The following PCDHGA9 variants were observed in gnomAD, a reference collection of about 807,000 sequenced individuals.
The protein encoded by PCDHGA9 is protocadherin gamma-A9.
PCDHGA9 carries 37 observed loss-of-function variants against 62.5 expected under a neutral mutation model. That is an observed-to-expected ratio of 0.59 (90% CI 0.46 to 0.78). The LOEUF is 0.78. Among genes scored for constraint, PCDHGA9 ranks in the 30% least tolerant of loss-of-function variants. PCDHGA9 has a pLI of 0.00. For missense variants in PCDHGA9, 1,138 were observed against 1,166.2 expected (o/e 0.98, Z 0.35); for synonymous variants, 459 against 484.6 (o/e 0.95, Z 0.69).
intron 1 of PCDHGA9, chr5:141,408,855 G>A: frequency 6.2e-7 from 1 of 1,613,572 alleles, no homozygotes; most frequent in Non-Finnish European, 8.5e-7. Flanking sequence ...TTGGACGGAG[G>A]GGACCCACCA....
intron 1 of PCDHGA9, among the ~76,000 whole-genome samples, chr5:141,484,322 T>C (rs2099594801): frequency 6.6e-6 from 1 of 152,214 alleles, no homozygotes; most frequent in Non-Finnish European, 1.5e-5. Flanking sequence ...TTCCATACTG[T>C]CCTTGAAATC....
chr5:141,506,506 C>T (rs1279198463), intron 3 of PCDHGA9, among the ~76,000 whole-genome samples: 2 of 151,030 alleles, frequency 1.3e-5, no homozygotes. Context: ...GATTCAAATC[C>T]TGGCACCTGG....
rs866878519 is a variant in PCDHGA9, at chr5:141,486,035, C to A, written c.2425-8772C>A. ...TTATTTCAGTGGTCATACCCCTGAT[C>A]GTGTAAGAAACCTCTTTAGCCTGCA... is the stretch of plus-strand genomic sequence containing the variant. On this transcript the variant is annotated intron_variant, in intron 1 of 3. Coordinates refer to ENST00000573521, the MANE Select transcript of PCDHGA9 (RefSeq NM_018921.3). This position sits in a 1 kb window ranked among gnomAD's most constrained non-coding sequence, Gnocchi z 5.0. The A allele has an allele frequency of 1.9e-6, 3 of 1,614,100 alleles. No homozygotes were observed. The East Asian group carries it at 6.7e-5, about 36-fold the overall frequency.
chr5:141,419,018 AG>A (rs2096314197), intron 1 of PCDHGA9: 1 of 1,613,838 alleles, frequency 6.2e-7, no homozygotes, highest in African/African-American at 1.3e-5. Context: ...GTGTAGCTTA[AG>A]TAGAGGTGTT....
chr5:141,502,955 T>C (rs2099817293), intron 2 of PCDHGA9, among the ~76,000 whole-genome samples: 1 of 149,868 alleles, frequency 6.7e-6, no homozygotes, highest in Non-Finnish European at 1.5e-5. Context: ...GCGATTCTCC[T>C]GCCTCAGCCT....
At chr5:141,478,765 C>T in intron 1 of PCDHGA9, 1 of 1,508,614 alleles carries the variant, frequency 6.6e-7, no homozygotes, top group Non-Finnish European at 8.9e-7. Context: ...AGATACTTGA[C>T]TCATCTGTGG....
At chr5:141,434,035 T>C (rs2154556047) in intron 1 of PCDHGA9, among the ~76,000 whole-genome samples, 1 of 152,316 alleles carries the variant, frequency 6.6e-6, no homozygotes, top group Non-Finnish European at 1.5e-5. Flanking sequence ...AAGCATGGTT[T>C]TCTATTTTAT....
In PCDHGA9 at chr5:141,432,469, C is replaced by A; in HGVS notation, c.2424+27093C>A. On this transcript the variant is annotated intron_variant, in intron 1 of 3. Coordinates refer to ENST00000573521, the MANE Select transcript of PCDHGA9 (RefSeq NM_018921.3). The surrounding 1 kb of genome is among the most constrained non-coding windows in gnomAD (Gnocchi z 6.0). ...TCCTGTACCCCGCCCTCCCCACGGA[C>A]GGTTCCACTGGCGTGGAGCTGGCTC... 6.2e-7 allele frequency: 1 copy of A among 1,614,218 alleles called. No individual in the cohort carries two copies.
intron 1 of PCDHGA9, chr5:141,415,949 C>T (rs369226000): frequency 6.5e-4 from 320 of 496,036 alleles, no homozygotes; most frequent in African/African-American, 5.9e-3. Context: ...TGGGTGGTCA[C>T]ATATTGAAAC....
Position 141,410,050 on chromosome 5 carries a change from C to T in PCDHGA9, c.2424+4674C>T, listed in dbSNP as rs762077790. ...TGCTGCAGGCCAGTGAGCCCGGACT[C>T]TTCAGCCTGGGGCTGCGCACTGGGG... On this transcript the variant is annotated intron_variant, in intron 1 of 3. Coordinates refer to ENST00000573521, the MANE Select transcript of PCDHGA9 (RefSeq NM_018921.3). The T allele has an allele frequency of 6.2e-6, 10 of 1,613,180 alleles. No homozygotes were observed. In the East Asian group the frequency reaches 1.6e-4, roughly 25 times the overall value.
intron 2 of PCDHGA9, among the ~76,000 whole-genome samples, chr5:141,500,788 A>T (rs1379810633): frequency 2.6e-5 from 4 of 152,198 alleles, no homozygotes; most frequent in Admixed American, 6.5e-5. Context: ...ATATTATTTT[A>T]CAGAATAAGT....
chr5:141,408,184 G>A, intron 1 of PCDHGA9: 1 of 1,541,100 alleles, frequency 6.5e-7, no homozygotes, highest in Non-Finnish European at 8.8e-7. Flanking sequence ...CGGGGACCCA[G>A]CGAGAACCCG....
In PCDHGA9 at chr5:141,489,750, C is replaced by T. The variant is rs753217170; in HGVS notation, c.2425-5057C>T. On this transcript the variant is annotated intron_variant, in intron 1 of 3. Coordinates refer to ENST00000573521, the MANE Select transcript of PCDHGA9 (RefSeq NM_018921.3). The surrounding 1 kb of genome is among the most constrained non-coding windows in gnomAD (Gnocchi z 4.5). ...TGGGCACCAATACTGTGAGCTTTTA[C>T]ACTCTAAGCCCCAACAGCCACTTCT... 1.2e-6 allele frequency: 2 copies of T among 1,614,098 alleles called. No homozygotes were observed. Among genetic ancestry groups the T allele is most frequent in the Admixed American group, 3.3e-5 (2 of 60,022 alleles).
Position 141,505,566 on chromosome 5 carries a change from A to G in PCDHGA9, c.2572+85A>G, listed in dbSNP as rs1363426407. 1.4e-5 allele frequency: 22 copies of G among 1,599,886 alleles called. No individual in the cohort carries two copies. In the East Asian group the frequency reaches 4.7e-4, roughly 34 times the overall value. ...CACAGCCACCATGCCCACGGACTGGATGTCAAACCTGTGTAGTTTCTCCAG... is the reference window on the plus strand; with the variant it reads ...CACAGCCACCATGCCCACGGACTGGGTGTCAAACCTGTGTAGTTTCTCCAG... On this transcript the variant is annotated intron_variant, in intron 3 of 3. Coordinates refer to ENST00000573521, the MANE Select transcript of PCDHGA9 (RefSeq NM_018921.3).
At chr5:141,446,365 G>T (rs2098499873) in intron 1 of PCDHGA9, among the ~76,000 whole-genome samples, 1 of 152,194 alleles carries the variant, frequency 6.6e-6, no homozygotes, top group Non-Finnish European at 1.5e-5. Flanking sequence ...GATGAGAATG[G>T]AAGACTAAAG....
Position 141,489,090 on chromosome 5 carries a change from C to CAAA in PCDHGA9, c.2425-5717_2425-5716insAAA. ...CCTGCCCACCCCCGCCACTCGGTGA[C>CAAA]TAAGAACTGCTGCAAGCAGGCAAAC... is the stretch of plus-strand genomic sequence containing the variant. On this transcript the variant is annotated intron_variant, in intron 1 of 3. Transcript: ENST00000573521. The surrounding 1 kb of genome is among the most constrained non-coding windows in gnomAD (Gnocchi z 4.5). 7 of 328,768 alleles carry CAAA rather than the reference C, an allele frequency of 2.1e-5. No homozygotes were observed. The highest frequency in any genetic ancestry group is 6.1e-5 in the Admixed American group (1 of 16,494). The allele number at this position is 328,768 out of a possible 1,614,324, so 20.4% of individuals were successfully genotyped here. A position where few individuals can be genotyped will look rare whatever the true frequency, so the allele number is the denominator to read the frequency against.
intron 2 of PCDHGA9, among the ~76,000 whole-genome samples, chr5:141,501,159 C>G (rs1475164887): frequency 6.6e-6 from 1 of 152,096 alleles, no homozygotes; most frequent in East Asian, 1.9e-4. Context: ...GAGCCACCAT[C>G]CCCAGCCTCA....
At chr5:141,473,168 A>G (rs1026233643) in intron 1 of PCDHGA9, among the ~76,000 whole-genome samples, 2 of 152,218 alleles carry the variant, frequency 1.3e-5, no homozygotes, top group Admixed American at 1.3e-4. Context: ...AGGAAGGCCC[A>G]CTGGTAACTT....
chr5:141,406,183 C>T (rs1048428263), intron 1 of PCDHGA9, among the ~76,000 whole-genome samples: 5 of 151,756 alleles, frequency 3.3e-5, no homozygotes, highest in Admixed American at 6.6e-5. Flanking sequence ...TGCAATCCTC[C>T]CACCTCAGCC....
Sources: allele counts gnomAD v4.1 joint callset (sites outside exome capture counted in the v4.1 genomes callset), GRCh38; gene constraint gnomAD v4.1.1; non-coding constraint Gnocchi (gnomAD v3.1); transcripts MANE v1.5; gene names NCBI Gene and HGNC (gene_info 2026-07-23, HGNC 2026-07-21).